PARD3B: variants seen among roughly 807,000 people sequenced by gnomAD.
PARD3B encodes the protein partitioning defective 3 homolog B.
In PARD3B, 103 loss-of-function variants were observed where a neutral mutation model predicts 130.2. That is an observed-to-expected ratio of 0.79 (90% confidence interval 0.67 to 0.93). PARD3B has a LOEUF of 0.93. Among genes scored for constraint, PARD3B ranks in the 40% least tolerant of loss-of-function variants. The pLI is 0.00. For synonymous variants in PARD3B, 583 were observed against 553.2 expected (o/e 1.05, Z -0.76); for missense variants, 1,609 against 1,499.2 (o/e 1.07, Z -1.21).
At chr2:205,608,157 A>G (rs1242741356) in intron 22 of PARD3B, among the ~76,000 whole-genome samples, 2 of 152,178 alleles carry the variant, frequency 1.3e-5, no homozygotes, top group Admixed American at 6.5e-5. Flanking sequence ...TTTTGCCCCT[A>G]GAGTGTTCTG....
Position 204,745,922 on chromosome 2 carries a change from CTTAA to C in PARD3B, c.222+59643_222+59646del, listed in dbSNP as rs575016642. ...TCTTCATTCCTTTGTTTTTGCCTTC[CTTAA>C]TTTAAAAAAAGGGCGTAAAACGAAC... is the stretch of plus-strand genomic sequence containing the variant. On this transcript the variant is annotated intron_variant, in intron 2 of 22. Coordinates refer to ENST00000406610, the MANE Select transcript of PARD3B (RefSeq NM_001302769.2). 7.3e-5 allele frequency among the ~76,000 whole-genome samples: 11 copies of C among 151,618 alleles called. No individual in the cohort carries two copies. The South Asian group carries it at 2.3e-3, about 32-fold the overall frequency.
chr2:205,292,068 T>TC lies in PARD3B; in HGVS notation c.2186-8460dup, dbSNP rs2041629429. On this transcript the variant is annotated intron_variant, in intron 16 of 22. Coordinates refer to ENST00000406610, the MANE Select transcript of PARD3B (RefSeq NM_001302769.2). This position sits in a 1 kb window ranked among gnomAD's most constrained non-coding sequence, Gnocchi z 5.3. ...GCAGCCAAACACCACTGGGTTCTAT[T>TC]CCTTGTGCTGTAGTGTCAAATTGCT... 6.6e-6 allele frequency among the ~76,000 whole-genome samples: 1 copy of TC among 152,110 alleles called. No homozygotes were observed. The highest frequency in any genetic ancestry group is 2.4e-5 in the African/African-American group (1 of 41,400).
intron 2 of PARD3B, among the ~76,000 whole-genome samples, chr2:204,734,416 G>T: frequency 6.6e-6 from 1 of 151,974 alleles, no homozygotes; most frequent in Non-Finnish European, 1.5e-5. Context: ...CTACTTAAAA[G>T]AAATGAAACT....
chr2:205,446,809 C>T lies in PARD3B; in HGVS notation c.3044+6137C>T, dbSNP rs2047922425. Among the ~76,000 whole-genome samples, 1 of 152,160 alleles carries T rather than the reference C, an allele frequency of 6.6e-6. No individual in the cohort carries two copies. Among genetic ancestry groups the T allele is most frequent in the Non-Finnish European group, 1.5e-5 (1 of 68,030 alleles). Reference sequence around the variant, plus strand: ...AAAGCCTGACAATTACTCAGGTTTACAATGTGTTAGTTTTCCACCGCAATG... The same window carrying T: ...AAAGCCTGACAATTACTCAGGTTTATAATGTGTTAGTTTTCCACCGCAATG... On this transcript the variant is annotated intron_variant, in intron 20 of 22. Coordinates refer to ENST00000406610, the MANE Select transcript of PARD3B (RefSeq NM_001302769.2). The surrounding 1 kb of genome is among the most constrained non-coding windows in gnomAD (Gnocchi z 4.4).
chr2:205,298,510 T>C (rs1242589040), intron 16 of PARD3B, among the ~76,000 whole-genome samples: 1 of 151,982 alleles, frequency 6.6e-6, no homozygotes, highest in East Asian at 1.9e-4. Flanking sequence ...TTTTTTTTGC[T>C]TAGTCTTATC....
chr2:205,496,334 C>T (rs193256197), intron 20 of PARD3B, among the ~76,000 whole-genome samples: 1 of 152,138 alleles, frequency 6.6e-6, no homozygotes, highest in Non-Finnish European at 1.5e-5. Flanking sequence ...CTAATCTTAC[C>T]ACCTTAAATA....
chr2:204,840,981 C>G (rs972863761), intron 2 of PARD3B, among the ~76,000 whole-genome samples: 1 of 152,032 alleles, frequency 6.6e-6, no homozygotes, highest in African/African-American at 2.4e-5. Context: ...GAAACACATC[C>G]CCTGTGGGTA....
At chr2:204,954,490 A>G (rs1690065534) in intron 2 of PARD3B, among the ~76,000 whole-genome samples, 1 of 152,230 alleles carries the variant, frequency 6.6e-6, no homozygotes, top group African/African-American at 2.4e-5. Context: ...TGTTCATGCT[A>G]AAGAGTCAGT....
In PARD3B at chr2:205,160,889, T is replaced by G; in HGVS notation, c.1620+1982T>G. 6.6e-6 allele frequency among the ~76,000 whole-genome samples: 1 copy of G among 152,184 alleles called. No homozygotes were observed. Among genetic ancestry groups the G allele is most frequent in the East Asian group, 1.9e-4 (1 of 5,182 alleles). On this transcript the variant is annotated intron_variant, in intron 11 of 22. Coordinates refer to ENST00000406610, the MANE Select transcript of PARD3B (RefSeq NM_001302769.2). The surrounding 1 kb of genome is among the most constrained non-coding windows in gnomAD (Gnocchi z 4.0). Reference sequence around the variant, plus strand: ...ATCCAGGCAGTCTGACTCCAGAACCTGCGTTATGCTGCACTGAAATGAAGC... The same window carrying G: ...ATCCAGGCAGTCTGACTCCAGAACCGGCGTTATGCTGCACTGAAATGAAGC...
intron 4 of PARD3B, among the ~76,000 whole-genome samples, chr2:205,069,714 C>A (rs1435590053): frequency 6.6e-6 from 1 of 152,110 alleles, no homozygotes; most frequent in Non-Finnish European, 1.5e-5. Flanking sequence ...TCACCCTTCA[C>A]CCTAAGTAGA....
chr2:205,176,642 TAAA>T lies in PARD3B; in HGVS notation c.1924+78_1924+80del, dbSNP rs11329569. On this transcript the variant is annotated intron_variant, in intron 13 of 22. Coordinates refer to ENST00000406610, the MANE Select transcript of PARD3B (RefSeq NM_001302769.2). The surrounding 1 kb of genome is among the most constrained non-coding windows in gnomAD (Gnocchi z 5.3). ...GAAAACACAAAAGTGTCTTTTTATC[TAAA>T]AAAAAAAAAAAAGAGTAAAGGGGAG... 9,205 of 1,148,114 alleles carry T rather than the reference TAAA, an allele frequency of 8.0e-3. No homozygotes were observed. Among genetic ancestry groups the T allele is most frequent in the South Asian group, 0.018 (866 of 47,752 alleles). 71.1% of individuals were successfully genotyped at this position (1,148,114 alleles called of 1,614,324 possible). A position where few individuals can be genotyped will look rare whatever the true frequency, so the allele number is the denominator to read the frequency against.
chr2:204,673,005 G>A lies in PARD3B; in HGVS notation c.121-13176G>A, dbSNP rs2036379138. ...TATGTATATGTATGCCCGTGTATGT[G>A]AATGTATGTGAATATGTAATGAATT... On this transcript the variant is annotated intron_variant, in intron 1 of 22. Coordinates refer to ENST00000406610, the MANE Select transcript of PARD3B (RefSeq NM_001302769.2). This position sits in a 1 kb window ranked among gnomAD's most constrained non-coding sequence, Gnocchi z 4.7. 6.6e-6 allele frequency among the ~76,000 whole-genome samples: 1 copy of A among 152,218 alleles called. No individual in the cohort carries two copies. The highest frequency in any genetic ancestry group is 2.4e-5 in the African/African-American group (1 of 41,460).
chr2:205,320,965 G>A (rs1365044357), intron 18 of PARD3B, among the ~76,000 whole-genome samples: 1 of 152,092 alleles, frequency 6.6e-6, no homozygotes, highest in African/African-American at 2.4e-5. Flanking sequence ...TACACTCAGG[G>A]TTTCTAGACC....
chr2:205,508,171 A>G (rs2050448056), intron 21 of PARD3B, among the ~76,000 whole-genome samples: 1 of 152,222 alleles, frequency 6.6e-6, no homozygotes, highest in African/African-American at 2.4e-5. Context: ...TTCTTTACAT[A>G]GAGTTGCTCT....
intron 2 of PARD3B, among the ~76,000 whole-genome samples, chr2:204,711,768 G>A (rs1314464585): frequency 1.3e-5 from 2 of 151,960 alleles, no homozygotes; most frequent in Admixed American, 6.6e-5. Context: ...GGCTGGTCTC[G>A]AACTCCTGAC....
intron 2 of PARD3B, among the ~76,000 whole-genome samples, chr2:204,728,571 A>G (rs1046927175): frequency 1.3e-5 from 2 of 151,680 alleles, no homozygotes; most frequent in African/African-American, 4.8e-5. Flanking sequence ...CATGATACCT[A>G]TTTGTGTAAT....
At chr2:205,531,621 T>A (rs1168724999) in intron 21 of PARD3B, among the ~76,000 whole-genome samples, 1 of 152,144 alleles carries the variant, frequency 6.6e-6, no homozygotes, top group South Asian at 2.1e-4. Flanking sequence ...GTTATTGTCA[T>A]TGAAGCTTTA....
chr2:204,642,216 C>T (rs1336129273), intron 1 of PARD3B, among the ~76,000 whole-genome samples: 1 of 152,188 alleles, frequency 6.6e-6, no homozygotes, highest in Non-Finnish European at 1.5e-5. Context: ...GCACTGGTCT[C>T]TGCTACAGAG....
intron 2 of PARD3B, among the ~76,000 whole-genome samples, chr2:204,695,866 A>G (rs1210817189): frequency 6.6e-6 from 1 of 152,038 alleles, no homozygotes; most frequent in Non-Finnish European, 1.5e-5. Context: ...GGAAAGAGTT[A>G]GTGCTGAGAG....
Sources: allele counts gnomAD v4.1 joint callset (sites outside exome capture counted in the v4.1 genomes callset), GRCh38; gene constraint gnomAD v4.1.1; non-coding constraint Gnocchi (gnomAD v3.1); transcripts MANE v1.5; gene names NCBI Gene and HGNC (gene_info 2026-07-23, HGNC 2026-07-21).